PTPRK: variants seen among roughly 807,000 people sequenced by gnomAD.
PTPRK encodes protein tyrosine phosphatase receptor type K.
PTPRK carries 75 observed loss-of-function variants against 178.0 expected under a neutral mutation model. That is an observed-to-expected ratio of 0.42 (90% confidence interval 0.35 to 0.51). The LOEUF (loss-of-function observed/expected upper bound fraction) is 0.51. Among genes scored for constraint, PTPRK ranks in the 20% least tolerant of loss-of-function variants. The pLI is 0.02. For missense variants in PTPRK, 1,441 were observed against 1,797.8 expected, an observed-to-expected ratio of 0.80 and a Z score of 3.59; for synonymous variants, 637 against 620.6, an observed-to-expected ratio of 1.03 and a Z score of -0.39.
intron 21 of PTPRK, among the ~76,000 whole-genome samples, chr6:127,990,415 C>G (rs926386166): frequency 6.6e-6 from 1 of 152,090 alleles, no homozygotes; most frequent in African/African-American, 2.4e-5. Flanking sequence ...CTTTGATCAT[C>G]CTTTCAGAAT....
At chr6:128,186,350 A>G (rs763330597) in intron 6 of PTPRK, among the ~76,000 whole-genome samples, 3 of 152,206 alleles carry the variant, frequency 2.0e-5, no homozygotes, top group Non-Finnish European at 4.4e-5. Flanking sequence ...TAACTTTTAA[A>G]CTAATTATTT....
At chr6:128,487,570 G>C (rs754442630) in intron 1 of PTPRK, among the ~76,000 whole-genome samples, 1 of 151,862 alleles carries the variant, frequency 6.6e-6, no homozygotes, top group African/African-American at 2.4e-5. Flanking sequence ...ATTCCAGGGC[G>C]GGTCCAGCAG....
intron 2 of PTPRK, among the ~76,000 whole-genome samples, chr6:128,342,311 C>G: frequency 6.6e-6 from 1 of 151,996 alleles, no homozygotes; most frequent in African/African-American, 2.4e-5. Flanking sequence ...AGCACACACA[C>G]AAAAAAATTT....
At chr6:128,287,660 C>T (rs1026371534) in intron 3 of PTPRK, among the ~76,000 whole-genome samples, 1 of 152,140 alleles carries the variant, frequency 6.6e-6, no homozygotes, top group African/African-American at 2.4e-5. Flanking sequence ...CCCTTAACTT[C>T]TTGTCACCAA....
chr6:128,106,304 G>A (rs1461214378), intron 7 of PTPRK, among the ~76,000 whole-genome samples: 1 of 152,004 alleles, frequency 6.6e-6, no homozygotes, highest in African/African-American at 2.4e-5. Flanking sequence ...GAATCGTTTA[G>A]TTTTGTTGTT....
In PTPRK at chr6:128,175,357, T is replaced by C. The variant is rs541196202; in HGVS notation, c.1162+9075A>G. Among the ~76,000 whole-genome samples, 49 of 151,996 alleles carry C rather than the reference T, an allele frequency of 3.2e-4. No homozygotes were observed. In the South Asian group the frequency reaches 9.1e-3, roughly 28 times the overall value. Reference sequence around the variant, plus strand: ...ATACTTTCAAAAAGTAGTTGAATAGTATTTGTCAAGAACTTTTCAGTTATG... The same window carrying C: ...ATACTTTCAAAAAGTAGTTGAATAGCATTTGTCAAGAACTTTTCAGTTATG... On this transcript the variant is annotated intron_variant, in intron 7 of 29. Coordinates refer to ENST00000368226, the MANE Select transcript of PTPRK (RefSeq NM_002844.4).
At chr6:128,138,286 T>C (rs1177686394) in intron 7 of PTPRK, among the ~76,000 whole-genome samples, 1 of 152,124 alleles carries the variant, frequency 6.6e-6, no homozygotes, top group East Asian at 1.9e-4. Context: ...CAGATGAATA[T>C]AAAATAGTTT....
intron 3 of PTPRK, among the ~76,000 whole-genome samples, chr6:128,294,420 C>T (rs1047710932): frequency 6.6e-6 from 1 of 151,974 alleles, no homozygotes; most frequent in African/African-American, 2.4e-5. Context: ...AATGCTGTTT[C>T]ATATCTATTT....
intron 6 of PTPRK, among the ~76,000 whole-genome samples, chr6:128,208,930 A>C (rs548826110): frequency 6.6e-6 from 1 of 152,236 alleles, no homozygotes; most frequent in South Asian, 2.1e-4. Context: ...AAGGCTTCCA[A>C]ATCTCTGACC....
chr6:128,509,782 T>C (rs577959997), intron 1 of PTPRK, among the ~76,000 whole-genome samples: 37 of 152,094 alleles, frequency 2.4e-4, no homozygotes, highest in Non-Finnish European at 5.1e-4. Context: ...AGTCCTCCTG[T>C]AGCAAGGCCA....
At chr6:128,332,405 C>A (rs1425110898) in intron 2 of PTPRK, among the ~76,000 whole-genome samples, 1 of 152,164 alleles carries the variant, frequency 6.6e-6, no homozygotes, top group East Asian at 1.9e-4. Flanking sequence ...ATAATTTAAC[C>A]CCTCTCTGTC....
At chr6:128,140,117 A>G (rs1220537829) in intron 7 of PTPRK, among the ~76,000 whole-genome samples, 3 of 152,000 alleles carry the variant, frequency 2.0e-5, no homozygotes, top group Non-Finnish European at 4.4e-5. Flanking sequence ...CAGACTCCTT[A>G]GCACTCACAT....
intron 7 of PTPRK, among the ~76,000 whole-genome samples, chr6:128,133,465 TATCCATATGAAGTGGTTAC>T (rs1182801763): frequency 6.6e-6 from 1 of 152,202 alleles, no homozygotes; most frequent in Non-Finnish European, 1.5e-5. Flanking sequence ...TACCTTGAAA[TATCCATATGAAGTGGTTAC>T]ATTCAATTTA....
intron 2 of PTPRK, among the ~76,000 whole-genome samples, chr6:128,358,298 G>A (rs547578416): frequency 6.6e-6 from 1 of 152,270 alleles, no homozygotes; most frequent in Admixed American, 6.5e-5. Flanking sequence ...CACCATCGGT[G>A]GTGAGGGGTG....
chr6:128,290,322 C>T (rs376819880), intron 3 of PTPRK, among the ~76,000 whole-genome samples: 4 of 151,974 alleles, frequency 2.6e-5, no homozygotes, highest in East Asian at 3.9e-4. Context: ...CCAAAAAAAC[C>T]CACAAAGATA....
chr6:128,440,187 T>C (rs117375017), intron 1 of PTPRK, among the ~76,000 whole-genome samples: 174 of 152,304 alleles, frequency 1.1e-3, no homozygotes, highest in Non-Finnish European at 1.9e-3. Context: ...ATCCCCATAT[T>C]TACCCAGAGA....
chr6:128,095,741 C>T (rs1787807092), intron 7 of PTPRK, among the ~76,000 whole-genome samples: 1 of 152,170 alleles, frequency 6.6e-6, no homozygotes, highest in Non-Finnish European at 1.5e-5. Context: ...GGTAAAAGGA[C>T]TGGAACCAGA....
At chr6:128,039,902 G>A (rs192111152) in intron 13 of PTPRK, among the ~76,000 whole-genome samples, 5 of 152,114 alleles carry the variant, frequency 3.3e-5, no homozygotes, top group South Asian at 2.1e-4. Context: ...AATATTTAGC[G>A]CCTGGTGGAA....
chr6:127,986,981 C>A (rs1167275865), intron 21 of PTPRK, among the ~76,000 whole-genome samples: 1 of 152,062 alleles, frequency 6.6e-6, no homozygotes, highest in Admixed American at 6.6e-5. Context: ...CATGGAATCA[C>A]CCCAATGGAA....
Sources: allele counts gnomAD v4.1 joint callset (sites outside exome capture counted in the v4.1 genomes callset), GRCh38; gene constraint gnomAD v4.1.1; transcripts MANE v1.5; gene names NCBI Gene and HGNC (gene_info 2026-07-23, HGNC 2026-07-21).